The following TBC1D8 variants were observed in gnomAD, a reference collection of about 807,000 sequenced individuals.
TBC1D8 encodes BUB2-like protein 1.
Under a neutral mutation model 118.8 loss-of-function variants are expected in TBC1D8, and 65 were observed. That is an observed-to-expected ratio of 0.55 (90% CI 0.45 to 0.67). TBC1D8 has a LOEUF of 0.67. Ranked by LOEUF, TBC1D8 falls within the 30% of genes least tolerant of loss-of-function variation. The pLI, the probability that TBC1D8 is intolerant of heterozygous loss-of-function variation, is 0.00. For missense variants in TBC1D8, 1,376 were observed against 1,471.2 expected (o/e 0.94, Z 1.06); for synonymous variants, 566 against 595.8 (o/e 0.95, Z 0.73).
intron 2 of TBC1D8, among the ~76,000 whole-genome samples, chr2:101,084,612 G>C (rs1258511028): frequency 6.6e-6 from 1 of 152,106 alleles, no homozygotes; most frequent in African/African-American, 2.4e-5. Flanking sequence ...CTGCAAGGGT[G>C]CTTTTCTCTC....
chr2:101,131,164 A>AG (rs1678574336), intron 1 of TBC1D8, among the ~76,000 whole-genome samples: 1 of 152,182 alleles, frequency 6.6e-6, no homozygotes, highest in African/African-American at 2.4e-5. Context: ...CAGCCTCCCA[A>AG]GTAGCTGAGA....
chr2:101,045,778 G>C (rs1205192849), intron 5 of TBC1D8, among the ~76,000 whole-genome samples: 3 of 152,118 alleles, frequency 2.0e-5, no homozygotes, highest in East Asian at 1.9e-4. Flanking sequence ...AGGATCACTT[G>C]AGACCAGGCG....
intron 1 of TBC1D8, among the ~76,000 whole-genome samples, chr2:101,129,232 C>T (rs894665338): frequency 5.3e-4 from 81 of 152,078 alleles, no homozygotes; most frequent in African/African-American, 1.9e-3. Flanking sequence ...CCTCTGCTGC[C>T]CAGATTCAGG....
At chr2:101,012,695 A>G (rs1275070468) in intron 17 of TBC1D8, among the ~76,000 whole-genome samples, 2 of 152,184 alleles carry the variant, frequency 1.3e-5, no homozygotes, top group Non-Finnish European at 2.9e-5. Context: ...AATATATCTC[A>G]ATAAAGCTGC....
chr2:101,017,734 G>A, intron 17 of TBC1D8: 2 of 1,031,972 alleles, frequency 1.9e-6, no homozygotes, highest in East Asian at 5.2e-5. Context: ...TTTATCACAG[G>A]CAAGATAGGG....
intron 3 of TBC1D8, among the ~76,000 whole-genome samples, chr2:101,058,686 A>C (rs1682578148): frequency 6.6e-6 from 1 of 151,998 alleles, no homozygotes; most frequent in Non-Finnish European, 1.5e-5. Flanking sequence ...TTAAGAATAA[A>C]CATCCACTTC....
chr2:101,071,366 C>CAAATAAATAAAT (rs66573133), intron 2 of TBC1D8, among the ~76,000 whole-genome samples: 6 of 151,044 alleles, frequency 4.0e-5, no homozygotes, highest in East Asian at 2.0e-4. Context: ...AACAAACAAA[C>CAAATAAATAAAT]AAATAAATAA....
chr2:101,009,002 T>G (rs1678967247), intron 19 of TBC1D8, among the ~76,000 whole-genome samples: 2 of 152,310 alleles, frequency 1.3e-5, no homozygotes, highest in South Asian at 4.1e-4. Context: ...GTTTTCTCAG[T>G]GTAATCTGAG....
chr2:101,099,086 G>T (rs201596081), intron 1 of TBC1D8, among the ~76,000 whole-genome samples: 1 of 151,650 alleles, frequency 6.6e-6, no homozygotes, highest in East Asian at 1.9e-4. Flanking sequence ...CCAGAAGATG[G>T]TTTTTTGAAA....
chr2:101,039,552 CAG>C (rs1681248916), intron 6 of TBC1D8, among the ~76,000 whole-genome samples: 1 of 152,170 alleles, frequency 6.6e-6, no homozygotes, highest in Non-Finnish European at 1.5e-5. Flanking sequence ...GACGTGTAAA[CAG>C]AGTTGTGGGT....
intron 2 of TBC1D8, chr2:101,068,433 C>A: frequency 6.2e-6 from 2 of 321,174 alleles, no homozygotes; most frequent in South Asian, 3.8e-5. Flanking sequence ...TTAACTGTAT[C>A]CAGCAATTCA....
chr2:101,122,346 C>T (rs551603393), intron 1 of TBC1D8, among the ~76,000 whole-genome samples: 6 of 126,868 alleles, frequency 4.7e-5, no homozygotes, highest in Admixed American at 2.1e-4. Flanking sequence ...GCTAGGATTA[C>T]AGGCGTGAGC....
chr2:101,011,509 C>T lies in TBC1D8; in HGVS notation c.2859G>A (p.Ser953=), dbSNP rs1422538424. Residue 953 remains serine, a synonymous_variant, in exon 18 of 20, where the codon TCG becomes TCA. Coordinates refer to ENST00000409318, the MANE Select transcript of TBC1D8 (RefSeq NM_001330348.2). ...TTGACAACAGAGGATTCCTCAACGG[C>T]GACTGGCTGTCTCGGTCATTTTCAG... ...ALTENDRDSQ[S]PLRNPLLSTS... is the part of the protein sequence containing the mutation. 6.8e-6 allele frequency: 11 copies of T among 1,613,704 alleles called. No homozygotes were observed. The highest frequency in any genetic ancestry group is 1.7e-5 in the Admixed American group (1 of 59,980).
intron 11 of TBC1D8, among the ~76,000 whole-genome samples, chr2:101,031,248 G>A (rs1023517277): frequency 2.0e-5 from 3 of 152,170 alleles, no homozygotes; most frequent in Non-Finnish European, 4.4e-5. Context: ...AAGCCAGCTA[G>A]CCACTCAGGC....
chr2:101,106,604 G>A (rs1486821401), intron 1 of TBC1D8, among the ~76,000 whole-genome samples: 3 of 152,242 alleles, frequency 2.0e-5, no homozygotes, highest in Non-Finnish European at 4.4e-5. Flanking sequence ...CACATGCACA[G>A]ATGGTCCTCG....
chr2:101,142,096 C>T (rs1679128687), intron 1 of TBC1D8, among the ~76,000 whole-genome samples: 1 of 152,138 alleles, frequency 6.6e-6, no homozygotes, highest in African/African-American at 2.4e-5. Flanking sequence ...AGACAGTGGT[C>T]TCACTATGTT....
Position 101,007,372 on chromosome 2 carries a change from C to CA in TBC1D8, c.*448dup, listed in dbSNP as rs1432915174. Reference sequence around the variant, plus strand: ...TTCAATTACCAGCATTGAAACAGTGCAAAAAAAAGCCAAATACAATTGCAC... The same window carrying CA: ...TTCAATTACCAGCATTGAAACAGTGCAAAAAAAAAGCCAAATACAATTGCAC... On this transcript the variant is annotated 3_prime_UTR_variant, in exon 20 of 20. Coordinates refer to ENST00000409318, the MANE Select transcript of TBC1D8 (RefSeq NM_001330348.2). 17 of 157,778 alleles carry CA rather than the reference C, an allele frequency of 1.1e-4. No individual in the cohort carries two copies. The highest frequency in any genetic ancestry group is 3.2e-3 in the Middle Eastern group (1 of 312). The allele number at this position is 157,778 out of a possible 1,614,324, so 9.8% of individuals were successfully genotyped here.
chr2:101,138,411 C>A (rs1438393436), intron 1 of TBC1D8, among the ~76,000 whole-genome samples: 1 of 152,212 alleles, frequency 6.6e-6, no homozygotes, highest in African/African-American at 2.4e-5. Context: ...GGGTGTTCTA[C>A]AATTCCATTC....
chr2:101,074,884 T>C (rs895736851), intron 2 of TBC1D8, among the ~76,000 whole-genome samples: 2 of 152,180 alleles, frequency 1.3e-5, no homozygotes, highest in Admixed American at 1.3e-4. Context: ...TTAGAGGCAA[T>C]GACAACCCAG....
Sources: allele counts gnomAD v4.1 joint callset (sites outside exome capture counted in the v4.1 genomes callset), GRCh38; gene constraint gnomAD v4.1.1; transcripts MANE v1.5; gene names NCBI Gene and HGNC (gene_info 2026-07-23, HGNC 2026-07-21).